Variants in MAML3 observed in about 807,000 individuals in gnomAD.
MAML3 encodes mastermind like transcriptional coactivator 3.
In MAML3, 27 loss-of-function variants were observed where a neutral mutation model predicts 101.9. The observed-to-expected ratio is 0.27, with a 90% CI of 0.20 to 0.37. MAML3 has a LOEUF of 0.37. Ranked by LOEUF, MAML3 falls within the 10% of genes least tolerant of loss-of-function variation. The pLI, the probability that MAML3 is intolerant of heterozygous loss-of-function variation, is 1.00. For missense variants in MAML3, 1,316 were observed against 1,444.9 expected (o/e 0.91, Z 1.45); for synonymous variants, 501 against 555.9 (o/e 0.90, Z 1.39).
chr4:140,146,413 C>T (rs1357981093), intron 1 of MAML3, among the ~76,000 whole-genome samples: 1 of 152,142 alleles, frequency 6.6e-6, no homozygotes, highest in African/African-American at 2.4e-5. Flanking sequence ...ACCCCATGAT[C>T]TTTAAGTATT....
chr4:139,741,997 T>A (rs1729181157), intron 2 of MAML3, among the ~76,000 whole-genome samples: 1 of 152,106 alleles, frequency 6.6e-6, no homozygotes, highest in Non-Finnish European at 1.5e-5. Context: ...CACACGGGCA[T>A]AAAAATAAGT....
intron 2 of MAML3, among the ~76,000 whole-genome samples, chr4:139,751,376 G>A (rs1729494018): frequency 6.6e-6 from 1 of 152,142 alleles, no homozygotes; most frequent in South Asian, 2.1e-4. Context: ...TGGGACCCAA[G>A]TCTAAACACA....
chr4:139,747,515 G>A (rs543803465), intron 2 of MAML3, among the ~76,000 whole-genome samples: 9 of 152,148 alleles, frequency 5.9e-5, no homozygotes, highest in Non-Finnish European at 8.8e-5. Flanking sequence ...CCAACATGGT[G>A]AAACCCCGTC....
At chr4:139,753,897 T>C (rs1268214288) in intron 2 of MAML3, among the ~76,000 whole-genome samples, 5 of 152,098 alleles carry the variant, frequency 3.3e-5, no homozygotes, top group African/African-American at 9.7e-5. Flanking sequence ...TGAAGAATTG[T>C]GTAATGAGCA....
intron 1 of MAML3, among the ~76,000 whole-genome samples, chr4:140,130,270 A>G (rs1232119481): frequency 6.6e-6 from 1 of 152,240 alleles, no homozygotes; most frequent in Admixed American, 6.5e-5. Flanking sequence ...TTAGAATTGA[A>G]GGAACAATGT....
At chr4:139,960,869 A>G (rs796720961) in intron 1 of MAML3, among the ~76,000 whole-genome samples, 3 of 152,276 alleles carry the variant, frequency 2.0e-5, no homozygotes, top group African/African-American at 7.2e-5. Flanking sequence ...GAAAAAAAAA[A>G]TGAGGCAAAT....
intron 1 of MAML3, among the ~76,000 whole-genome samples, chr4:140,131,266 C>T (rs535963529): frequency 2.9e-4 from 44 of 152,282 alleles, no homozygotes; most frequent in African/African-American, 8.9e-4. Context: ...TCCACTGTAA[C>T]GTGCCCTTAA....
intron 2 of MAML3, among the ~76,000 whole-genome samples, chr4:139,832,287 T>C (rs1381817260): frequency 7.1e-6 from 1 of 141,686 alleles, no homozygotes; most frequent in East Asian, 1.9e-4. Context: ...TTTTTATTTT[T>C]ATTTTTAGTA....
At chr4:139,984,358 G>T (rs1181143160) in intron 1 of MAML3, among the ~76,000 whole-genome samples, 1 of 152,178 alleles carries the variant, frequency 6.6e-6, no homozygotes, top group African/African-American at 2.4e-5. Context: ...AGTAACCAAG[G>T]TGCTAAAATT....
At chr4:139,760,708 T>C (rs1270879214) in intron 2 of MAML3, among the ~76,000 whole-genome samples, 3 of 152,168 alleles carry the variant, frequency 2.0e-5, no homozygotes, top group Admixed American at 1.3e-4. Flanking sequence ...CTATATTCTA[T>C]ACCCATCAGA....
intron 2 of MAML3, among the ~76,000 whole-genome samples, chr4:139,783,306 T>A (rs976946933): frequency 8.5e-5 from 13 of 152,190 alleles, no homozygotes; most frequent in African/African-American, 1.2e-4. Context: ...TATTCCGGTG[T>A]TCCTGTGACG....
rs935322133 is a variant in MAML3 at position 139,845,556 on chromosome 4, G to A, written c.2079+43801C>T. 7.2e-5 allele frequency among the ~76,000 whole-genome samples: 11 copies of A among 152,056 alleles called. No individual in the cohort carries two copies. The East Asian group carries it at 9.6e-4, about 13-fold the overall frequency. ...TCATGATTGTACTAAGATCTCACAC[G>A]GTAAATGACATCAGGAGTTAGAATG... On this transcript the variant is annotated intron_variant, in intron 2 of 4. Coordinates refer to ENST00000509479, the MANE Select transcript of MAML3 (RefSeq NM_018717.5).
chr4:139,866,618 AT>A (rs1731904637), intron 2 of MAML3, among the ~76,000 whole-genome samples: 1 of 151,936 alleles, frequency 6.6e-6, no homozygotes, highest in Non-Finnish European at 1.5e-5. Context: ...CAGGTGACCT[AT>A]TTTTTTCTTT....
intron 1 of MAML3, among the ~76,000 whole-genome samples, chr4:139,938,958 T>C (rs997727029): frequency 1.5e-4 from 23 of 152,254 alleles, no homozygotes; most frequent in Admixed American, 4.6e-4. Context: ...AATGCATATA[T>C]GTCTAAAGAC....
At chr4:139,902,060 G>C (rs569343002) in intron 1 of MAML3, among the ~76,000 whole-genome samples, 2 of 152,142 alleles carry the variant, frequency 1.3e-5, no homozygotes, top group Non-Finnish European at 2.9e-5. Flanking sequence ...ATTGAAATAA[G>C]ATCTCTTACT....
chr4:140,083,688 G>A (rs1236004431), intron 1 of MAML3, among the ~76,000 whole-genome samples: 1 of 152,026 alleles, frequency 6.6e-6, no homozygotes, highest in African/African-American at 2.4e-5. Flanking sequence ...CTAACCAGAA[G>A]GTTCCCCTAA....
At chr4:140,043,141 G>C (rs1022207267) in intron 1 of MAML3, among the ~76,000 whole-genome samples, 2 of 152,112 alleles carry the variant, frequency 1.3e-5, no homozygotes, top group African/African-American at 4.8e-5. Context: ...AATTGAACAT[G>C]ACCTGCATAT....
intron 1 of MAML3, among the ~76,000 whole-genome samples, chr4:140,125,210 C>T (rs1728665591): frequency 6.6e-6 from 1 of 151,906 alleles, no homozygotes; most frequent in African/African-American, 2.4e-5. Context: ...AATAAAAGAA[C>T]ATTTTAAAAT....
chr4:139,822,723 A>G (rs768234160), intron 2 of MAML3, among the ~76,000 whole-genome samples: 1 of 152,252 alleles, frequency 6.6e-6, no homozygotes, highest in Non-Finnish European at 1.5e-5. Context: ...CACTTCAGGA[A>G]TCAGCTCCAC....
Sources: gnomAD v4.1 joint callset for allele counts (sites outside exome capture counted in the v4.1 genomes callset) on GRCh38, gnomAD v4.1.1 for gene constraint, MANE v1.5 for transcripts, NCBI Gene and HGNC (gene_info 2026-07-23, HGNC 2026-07-21) for gene names.